The following WDR41 variants were observed in gnomAD, a reference collection of about 807,000 sequenced individuals.
WDR41 encodes WD repeat domain 41, also known as WD repeat-containing protein 41.
Under a neutral mutation model 69.3 loss-of-function variants are expected in WDR41, and 63 were observed. The ratio of observed to expected loss-of-function variants is 0.91; its 90% confidence interval spans 0.74 to 1.12. WDR41 has a LOEUF of 1.12. WDR41 is among the 50% of genes most tolerant of loss of function. The probability of loss-of-function intolerance (pLI) is 0.00; values close to 1 mark genes in which losing one functional copy is unlikely to be tolerated. For missense variants in WDR41, 543 were observed against 534.5 expected (o/e 1.02, Z -0.16); for synonymous variants, 185 against 192.1 (o/e 0.96, Z 0.31).
At chr5:77,506,522 C>T (rs1267768144) in intron 1 of WDR41, among the ~76,000 whole-genome samples, 1 of 152,186 alleles carries the variant, frequency 6.6e-6, no homozygotes, top group African/African-American at 2.4e-5. Flanking sequence ...TTTGACCCAG[C>T]AATCCCATTA....
At chr5:77,433,483 ATTG>A (rs758351318) in intron 12 of WDR41, among the ~76,000 whole-genome samples, 196 bp from the exon 13 acceptor site, 6 of 152,334 alleles carry the variant, frequency 3.9e-5, no homozygotes, top group South Asian at 2.1e-4. Context: ...TTTTGTTAAT[ATTG>A]TTCAACTACA....
intron 2 of WDR41, among the ~76,000 whole-genome samples, chr5:77,486,168 T>G (rs896227225): frequency 6.6e-6 from 1 of 152,248 alleles, no homozygotes; most frequent in Non-Finnish European, 1.5e-5. Context: ...CTTACGAAGA[T>G]GACTCTTTCG....
At chr5:77,588,421 T>G (rs1444128241) in intron 1 of WDR41, among the ~76,000 whole-genome samples, 1 of 152,196 alleles carries the variant, frequency 6.6e-6, no homozygotes, top group East Asian at 1.9e-4. Flanking sequence ...CTTTCCACAT[T>G]TAGATCTGAA....
At chr5:77,433,713 C>G (rs335628) in intron 12 of WDR41, among the ~76,000 whole-genome samples, 135,904 of 152,288 alleles carry the variant, frequency 0.89, 60,991 homozygotes, top group East Asian at 0.99. Flanking sequence ...GTCAGCACTA[C>G]GTTTATGGTC....
chr5:77,443,774 T>C (rs1799264979), intron 8 of WDR41, among the ~76,000 whole-genome samples: 1 of 151,700 alleles, frequency 6.6e-6, no homozygotes, highest in Non-Finnish European at 1.5e-5. Context: ...TCTGACTTAA[T>C]CCTCCAAGTG....
intron 12 of WDR41, among the ~76,000 whole-genome samples, chr5:77,433,979 G>A (rs774380330): frequency 6.6e-6 from 1 of 152,156 alleles, no homozygotes; most frequent in Non-Finnish European, 1.5e-5. Context: ...GTGAAGAGTT[G>A]TATCAGAAAA....
intron 3 of WDR41, among the ~76,000 whole-genome samples, chr5:77,463,658 A>T (rs1317799829): frequency 6.6e-6 from 1 of 152,168 alleles, no homozygotes. Flanking sequence ...CTACACACAA[A>T]TAAGTATATA....
chr5:77,538,808 T>G (rs941929769), intron 1 of WDR41, among the ~76,000 whole-genome samples: 5 of 152,188 alleles, frequency 3.3e-5, no homozygotes, highest in African/African-American at 1.2e-4. Flanking sequence ...TCAGGATAAT[T>G]ATATTGGCCA....
Position 77,433,080 on chromosome 5 carries a change from A to T in WDR41, c.*55T>A. ...TCAATATATTAATGGTTTTCAGAGT[A>T]GTACCCGATATTTGATGTTCAAGGT... On this transcript the variant is annotated 3_prime_UTR_variant, in exon 13 of 13. Coordinates refer to ENST00000296679, the MANE Select transcript of WDR41 (RefSeq NM_018268.4). The T allele has an allele frequency of 6.6e-7, 1 of 1,523,750 alleles. No homozygotes were observed. The highest frequency in any genetic ancestry group is 2.1e-5 in the Admixed American group (1 of 48,046). The allele number at this position is 1,523,750 out of a possible 1,614,324, so 94.4% of individuals were successfully genotyped here.
intron 1 of WDR41, among the ~76,000 whole-genome samples, chr5:77,618,138 G>C (rs984296464): frequency 6.6e-6 from 1 of 152,170 alleles, no homozygotes; most frequent in Non-Finnish European, 1.5e-5. Flanking sequence ...GATGTGACCC[G>C]TTCCTGAGGT....
intron 1 of WDR41, among the ~76,000 whole-genome samples, chr5:77,563,396 C>G (rs772009632): frequency 1.8e-4 from 28 of 152,248 alleles, no homozygotes; most frequent in Non-Finnish European, 3.5e-4. Context: ...CAAAACAGCA[C>G]TCCCCTACAC....
At chr5:77,517,429 A>C (rs985022329) in intron 1 of WDR41, among the ~76,000 whole-genome samples, 1 of 152,088 alleles carries the variant, frequency 6.6e-6, no homozygotes, top group Non-Finnish European at 1.5e-5. Flanking sequence ...TCACTTGCAA[A>C]CTTCTTATTC....
At chr5:77,558,094 T>TAAAAAAAAAAAA (rs71608105) in intron 1 of WDR41, among the ~76,000 whole-genome samples, 11 of 104,280 alleles carry the variant, frequency 1.1e-4, no homozygotes, top group East Asian at 3.1e-4. Flanking sequence ...ATGTTCTTTT[T>TAAAAAAAAAAAA]AAAAAAAAAA....
At chr5:77,474,645 T>A (rs1581741560) in intron 2 of WDR41, among the ~76,000 whole-genome samples, 1 of 152,170 alleles carries the variant, frequency 6.6e-6, no homozygotes, top group Non-Finnish European at 1.5e-5. Flanking sequence ...TGTATTATAT[T>A]AACATGACTC....
chr5:77,534,982 T>C (rs974725407), intron 1 of WDR41, among the ~76,000 whole-genome samples: 5 of 152,214 alleles, frequency 3.3e-5, no homozygotes, highest in African/African-American at 1.2e-4. Flanking sequence ...GTGAACCCAA[T>C]AGTTATGTTT....
intron 8 of WDR41, 51 bp from the exon 9 acceptor site, chr5:77,441,048 G>T (rs1238442968): frequency 6.3e-7 from 1 of 1,578,802 alleles, no homozygotes; most frequent in Non-Finnish European, 8.6e-7. Context: ...TCTATGTAAA[G>T]ATATAACTGA....
intron 1 of WDR41, among the ~76,000 whole-genome samples, chr5:77,507,371 A>G (rs1031990334): frequency 1.3e-5 from 2 of 152,246 alleles, no homozygotes; most frequent in African/African-American, 4.8e-5. Flanking sequence ...ACCACTTTCA[A>G]GGCTGTAGAT....
intron 1 of WDR41, among the ~76,000 whole-genome samples, chr5:77,551,000 T>C (rs984833834): frequency 1.3e-5 from 2 of 152,054 alleles, no homozygotes; most frequent in African/African-American, 2.4e-5. Context: ...GAGCTAAGCA[T>C]TGGGTAAACA....
intron 10 of WDR41, 56 bp from the exon 11 acceptor site, chr5:77,437,480 T>C: frequency 6.8e-7 from 1 of 1,467,830 alleles, no homozygotes; most frequent in Non-Finnish European, 9.5e-7. Context: ...GGGCCAATGC[T>C]AAATTTGCAG....
Sources: allele counts gnomAD v4.1 joint callset (sites outside exome capture counted in the v4.1 genomes callset), GRCh38; gene constraint gnomAD v4.1.1; transcripts MANE v1.5; gene names NCBI Gene and HGNC (gene_info 2026-07-23, HGNC 2026-07-21).